DGKD: variants seen among roughly 807,000 people sequenced by gnomAD.
DGKD encodes the protein DAG kinase delta.
A neutral mutation model predicts 154.4 loss-of-function variants in DGKD; 68 were observed. The observed-to-expected ratio is 0.44, with a 90% CI of 0.36 to 0.54. The LOEUF is 0.54. DGKD is among the 20% of genes least tolerant of loss of function. The probability of loss-of-function intolerance (pLI) is 0.00; values close to 1 mark genes in which losing one functional copy is unlikely to be tolerated. For synonymous variants in DGKD, 693 were observed against 638.0 expected (o/e 1.09, Z -1.30); for missense variants, 1,343 against 1,593.6 (o/e 0.84, Z 2.68).
intron 27 of DGKD, 141 bp downstream of exon 27, chr2:233,464,424 T>TCGC (rs2063765856): frequency 9.4e-7 from 1 of 1,063,068 alleles, no homozygotes; most frequent in Non-Finnish European, 1.4e-6. Context: ...TCTCCAGACT[T>TCGC]CGCTATTAAA....
chr2:233,368,348 A>C (rs1406758836), intron 1 of DGKD, among the ~76,000 whole-genome samples: 2 of 151,952 alleles, frequency 1.3e-5, no homozygotes, highest in Non-Finnish European at 2.9e-5. Flanking sequence ...CATCTCTACT[A>C]AAAATACAAA....
chr2:233,367,851 CTTTTTTTTTT>C (rs66652929), intron 1 of DGKD, among the ~76,000 whole-genome samples: 3 of 124,076 alleles, frequency 2.4e-5, no homozygotes, highest in Non-Finnish European at 5.0e-5. Flanking sequence ...TTTTTTTTTT[CTTTTTTTTTT>C]TTTTTTTTTA....
At chr2:233,398,285 G>A (rs1172017391) in intron 3 of DGKD, among the ~76,000 whole-genome samples, 1 of 151,748 alleles carries the variant, frequency 6.6e-6, no homozygotes, top group Non-Finnish European at 1.5e-5. Context: ...TGGGAGTACA[G>A]GTGCCGCCAC....
At chr2:233,428,305 T>TC (rs1270033373) in intron 3 of DGKD, among the ~76,000 whole-genome samples, 12 of 152,206 alleles carry the variant, frequency 7.9e-5, no homozygotes, top group Admixed American at 5.9e-4. Context: ...CCCAGTTGTG[T>TC]CCCCTCTGTG....
At chr2:233,388,059 AG>A in intron 1 of DGKD, 197 bp from the exon 2 acceptor site, 2 of 1,238,200 alleles carry the variant, frequency 1.6e-6, no homozygotes, top group Non-Finnish European at 2.2e-6. Flanking sequence ...TGCCCCTTAG[AG>A]GACAGGATTG....
intron 1 of DGKD, among the ~76,000 whole-genome samples, chr2:233,382,250 A>T (rs1351569618): frequency 6.6e-6 from 1 of 151,598 alleles, no homozygotes; most frequent in Non-Finnish European, 1.5e-5. Flanking sequence ...CAAACAAACA[A>T]AGAGATATGC....
At chr2:233,456,283 A>G (rs1044005379) in intron 19 of DGKD, among the ~76,000 whole-genome samples, 2 of 152,238 alleles carry the variant, frequency 1.3e-5, no homozygotes, top group African/African-American at 4.8e-5. Flanking sequence ...AAGCTGTGGT[A>G]GAGCAGTGCC....
chr2:233,354,769 C>T lies in DGKD; in HGVS notation c.156+95C>T, dbSNP rs1701461907. On this transcript the variant is annotated intron_variant, in intron 1 of 29. Transcript: ENST00000264057. This position sits in a 1 kb window ranked among gnomAD's most constrained non-coding sequence, Gnocchi z 4.8. ...CCCTGCCCGAGCGGCCGCCCAGGCC[C>T]GGCTCGGCCCGGCCCGGGGTCCCGC... 1.4e-6 allele frequency: 1 copy of T among 702,454 alleles called. No individual in the cohort carries two copies. The highest frequency in any genetic ancestry group is 1.7e-6 in the Non-Finnish European group (1 of 574,884). The allele number at this position is 702,454 out of a possible 1,614,324, so 43.5% of individuals were successfully genotyped here.
intron 3 of DGKD, among the ~76,000 whole-genome samples, chr2:233,393,729 G>T (rs556391342): frequency 2.0e-5 from 3 of 151,040 alleles, no homozygotes; most frequent in East Asian, 1.9e-4. Flanking sequence ...CGTTGCCCAG[G>T]GGGGAGTGTA....
In DGKD at chr2:233,452,615, G is replaced by T. The variant is rs528607727; in HGVS notation, c.2264+555G>T. Among the ~76,000 whole-genome samples, 4 of 152,146 alleles carry T rather than the reference G, an allele frequency of 2.6e-5. No homozygotes were observed. The highest frequency in any genetic ancestry group is 7.2e-5 in the African/African-American group (3 of 41,428). On this transcript the variant is annotated intron_variant, in intron 18 of 29. Coordinates refer to ENST00000264057, the MANE Select transcript of DGKD (RefSeq NM_152879.3). The surrounding 1 kb of genome is among the most constrained non-coding windows in gnomAD (Gnocchi z 4.0). ...TGCTGAGGCTTATAAGGGCTGCTGC[G>T]TGCCTGCGTGCTGATACTGCTACTC...
chr2:233,413,464 T>C (rs1284787375), intron 3 of DGKD, among the ~76,000 whole-genome samples: 1 of 152,152 alleles, frequency 6.6e-6, no homozygotes, highest in African/African-American at 2.4e-5. Flanking sequence ...TGCATTCTCT[T>C]CCTTTTCCCT....
At chr2:233,384,914 C>A (rs1703092298) in intron 1 of DGKD, among the ~76,000 whole-genome samples, 1 of 152,152 alleles carries the variant, frequency 6.6e-6, no homozygotes, top group Non-Finnish European at 1.5e-5. Context: ...TCTCAGGCAG[C>A]TCCCTTATGG....
At chr2:233,383,512 C>G (rs995563113) in intron 1 of DGKD, among the ~76,000 whole-genome samples, 5 of 152,162 alleles carry the variant, frequency 3.3e-5, no homozygotes, top group African/African-American at 1.2e-4. Context: ...TAGCTTATAT[C>G]TAATATTTTT....
In DGKD at chr2:233,445,864, C is replaced by G; in HGVS notation, c.1334+102C>G. ...GGGGTCTGTGGAAAACATGGGCCCT[C>G]TGAAATTATTTGTAAAGATTTGACC... On this transcript the variant is annotated intron_variant, in intron 11 of 29. Transcript: ENST00000264057. This position sits in a 1 kb window ranked among gnomAD's most constrained non-coding sequence, Gnocchi z 5.5. The G allele has an allele frequency of 1.0e-5, 14 of 1,353,246 alleles. No individual in the cohort carries two copies. The highest frequency in any genetic ancestry group is 5.9e-5 in the Admixed American group (2 of 33,750). The allele number at this position is 1,353,246 out of a possible 1,614,324, so 83.8% of individuals were successfully genotyped here.
intron 3 of DGKD, among the ~76,000 whole-genome samples, chr2:233,394,390 T>G (rs1259965677): frequency 6.6e-6 from 1 of 152,072 alleles, no homozygotes. Flanking sequence ...CTACAGGTGC[T>G]TGATACCATG....
At chr2:233,385,900 T>C (rs754671077) in intron 1 of DGKD, 3 of 392,712 alleles carry the variant, frequency 7.6e-6, no homozygotes, top group South Asian at 5.0e-5. Context: ...ACCAGTCTTT[T>C]TCTGAGCACT....
chr2:233,388,202 G>T, intron 1 of DGKD, 55 bp from the exon 2 acceptor site: 1 of 1,586,900 alleles, frequency 6.3e-7, no homozygotes, highest in East Asian at 2.2e-5. Context: ...TCAGCCGGAA[G>T]AGTGAAAGGG....
intron 27 of DGKD, among the ~76,000 whole-genome samples, chr2:233,465,589 T>TA (rs200140110): frequency 6.6e-6 from 1 of 151,928 alleles, no homozygotes; most frequent in East Asian, 1.9e-4. Flanking sequence ...CTGTCTCTAT[T>TA]AAAAAAAAAT....
chr2:233,398,493 C>T (rs1474823001), intron 3 of DGKD, among the ~76,000 whole-genome samples: 1 of 152,086 alleles, frequency 6.6e-6, no homozygotes, highest in Non-Finnish European at 1.5e-5. Flanking sequence ...AAGTCATTCC[C>T]TCCAGGGAAA....
Sources: gnomAD v4.1 joint callset for allele counts (sites outside exome capture counted in the v4.1 genomes callset) on GRCh38, gnomAD v4.1.1 for gene constraint, Gnocchi (gnomAD v3.1) non-coding constraint, MANE v1.5 for transcripts, NCBI Gene and HGNC (gene_info 2026-07-23, HGNC 2026-07-21) for gene names.